The following ULK4 variants were observed in gnomAD, a reference collection of about 807,000 sequenced individuals.
The protein encoded by ULK4 is inactive serine/threonine-protein kinase ULK4.
A neutral mutation model predicts 160.6 loss-of-function variants in ULK4; 133 were observed. The observed-to-expected ratio is 0.83, with a 90% CI of 0.72 to 0.96. ULK4 has a LOEUF of 0.96. ULK4 is among the 40% of genes least tolerant of loss of function. ULK4 has a pLI of 0.00. For synonymous variants in ULK4, 534 were observed against 539.8 expected, an observed-to-expected ratio of 0.99 and a Z score of 0.15; for missense variants, 1,580 against 1,499.5, an observed-to-expected ratio of 1.05 and a Z score of -0.89.
chr3:41,925,961 G>A (rs979849104), intron 5 of ULK4, among the ~76,000 whole-genome samples: 4 of 152,200 alleles, frequency 2.6e-5, no homozygotes, highest in African/African-American at 7.2e-5. Context: ...TGGCTCTGAA[G>A]AGAGCAACAG....
intron 12 of ULK4, among the ~76,000 whole-genome samples, chr3:41,907,281 T>C (rs1698604664): frequency 7.0e-6 from 1 of 143,840 alleles, no homozygotes; most frequent in Non-Finnish European, 1.5e-5. Context: ...TAAAGGTCCC[T>C]GAATTGTACC....
At chr3:41,745,430 TA>T (rs2125885691) in intron 22 of ULK4, among the ~76,000 whole-genome samples, 1 of 151,660 alleles carries the variant, frequency 6.6e-6, no homozygotes, top group East Asian at 1.9e-4. Context: ...TCAAAAACCA[TA>T]AACTACCAAA....
In ULK4 at chr3:41,777,993, C is replaced by G. The variant is rs1047454791; in HGVS notation, c.2193+11668G>C. ...GGAAGTTCTGGCCAGGGCAATCAGG[C>G]AGGAGAAGGAAATAAAGGGTATTCA... On this transcript the variant is annotated intron_variant, in intron 21 of 36. Coordinates refer to ENST00000301831, the MANE Select transcript of ULK4 (RefSeq NM_017886.4). Among the ~76,000 whole-genome samples, 37 of 131,412 alleles carry G rather than the reference C, an allele frequency of 2.8e-4. 2 individuals are homozygous for G. Among genetic ancestry groups the G allele is most frequent in the African/African-American group, 1.1e-3 (34 of 32,174 alleles). 86.2% of individuals were successfully genotyped at this position (131,412 alleles called of 152,430 possible). A position where few individuals can be genotyped will look rare whatever the true frequency, so the allele number is the denominator to read the frequency against.
At chr3:41,913,081 GAAAC>G in intron 8 of ULK4, 182 bp from the exon 9 acceptor site, 1 of 563,192 alleles carries the variant, frequency 1.8e-6, no homozygotes, top group South Asian at 2.5e-5. Context: ...AAGATAAAAA[GAAAC>G]AATTCAGAAG....
intron 35 of ULK4, among the ~76,000 whole-genome samples, chr3:41,318,957 G>A (rs2080196899): frequency 6.6e-6 from 1 of 152,134 alleles, no homozygotes; most frequent in Admixed American, 6.6e-5. Flanking sequence ...ACTACGGTAT[G>A]GAAGAATCAG....
intron 17 of ULK4, among the ~76,000 whole-genome samples, chr3:41,849,563 G>A (rs1344410200): frequency 7.9e-5 from 12 of 152,174 alleles, no homozygotes; most frequent in Admixed American, 7.9e-4. Context: ...ATACTATAAT[G>A]GTAGATAGAT....
intron 35 of ULK4, among the ~76,000 whole-genome samples, chr3:41,382,365 T>C (rs2081676068): frequency 6.6e-6 from 1 of 152,166 alleles, no homozygotes; most frequent in African/African-American, 2.4e-5. Context: ...TTTTTCTGTG[T>C]GGTACTGAAA....
intron 17 of ULK4, among the ~76,000 whole-genome samples, chr3:41,842,450 G>T (rs1258638494): frequency 1.3e-5 from 2 of 152,228 alleles, no homozygotes; most frequent in South Asian, 2.1e-4. Flanking sequence ...CTGATCCCCA[G>T]TGTTGGACGT....
At chr3:41,365,115 A>G (rs1291575280) in intron 35 of ULK4, among the ~76,000 whole-genome samples, 2 of 152,192 alleles carry the variant, frequency 1.3e-5, no homozygotes, top group African/African-American at 4.8e-5. Context: ...CATTTTTACT[A>G]CACTCAGGAT....
chr3:41,724,624 G>A (rs1470548070), intron 22 of ULK4, among the ~76,000 whole-genome samples: 1 of 152,102 alleles, frequency 6.6e-6, no homozygotes, highest in Non-Finnish European at 1.5e-5. Context: ...TCGGGAGGCT[G>A]AGGCAGGAGA....
At chr3:41,287,764 A>G (rs908493025) in intron 35 of ULK4, among the ~76,000 whole-genome samples, 1 of 152,192 alleles carries the variant, frequency 6.6e-6, no homozygotes. Flanking sequence ...CTAGCATGAT[A>G]TTAACATTTG....
At chr3:41,318,431 T>C in intron 35 of ULK4, among the ~76,000 whole-genome samples, 1 of 152,200 alleles carries the variant, frequency 6.6e-6, no homozygotes, top group Admixed American at 6.5e-5. Flanking sequence ...GTAGGCACAG[T>C]TGTATCTAGT....
At chr3:41,863,889 C>T (rs759062005) in intron 17 of ULK4, among the ~76,000 whole-genome samples, 3 of 151,640 alleles carry the variant, frequency 2.0e-5, no homozygotes, top group East Asian at 3.9e-4. Context: ...TTTTTGGAGC[C>T]GCGAGCTATG....
chr3:41,395,919 AG>A (rs890396346), intron 35 of ULK4, among the ~76,000 whole-genome samples: 17 of 152,172 alleles, frequency 1.1e-4, no homozygotes, highest in Non-Finnish European at 2.2e-4. Flanking sequence ...CCTATAAGGC[AG>A]GTCAGATATT....
At chr3:41,706,369 ATATTTAATATATATATTT>A (rs2036880969) in intron 25 of ULK4, among the ~76,000 whole-genome samples, 1 of 146,374 alleles carries the variant, frequency 6.8e-6, no homozygotes, top group African/African-American at 2.5e-5. Context: ...ATTTATATAT[ATATTTAATATATATATTT>A]ATATATATTA....
chr3:41,681,522 A>G lies in ULK4; in HGVS notation c.2964T>C (p.Asp988=). 4 of 1,614,082 alleles carry G rather than the reference A, an allele frequency of 2.5e-6. No individual in the cohort carries two copies. Among genetic ancestry groups the G allele is most frequent in the Admixed American group, 1.7e-5 (1 of 60,004 alleles). ...ATGATACTTACTGGGGAAGTAAGACATCTCGAATGAGAGCCAGAAGATTGC... is the reference window on the plus strand; with the variant it reads ...ATGATACTTACTGGGGAAGTAAGACGTCTCGAATGAGAGCCAGAAGATTGC... ...SDSNLLALIR[D]VLLPQYEHIL... Residue 988 remains aspartate, a synonymous_variant, in exon 29 of 37, where the codon GAT becomes GAC. Transcript: ENST00000301831.
At chr3:41,305,388 G>A (rs1182393676) in intron 35 of ULK4, among the ~76,000 whole-genome samples, 1 of 152,202 alleles carries the variant, frequency 6.6e-6, no homozygotes, top group Non-Finnish European at 1.5e-5. Context: ...GAGCCGCCAC[G>A]CCTGACTGGT....
chr3:41,533,471 T>C (rs1185273913), intron 32 of ULK4, among the ~76,000 whole-genome samples: 2 of 152,216 alleles, frequency 1.3e-5, no homozygotes, highest in Non-Finnish European at 2.9e-5. Context: ...ATTTTATAAA[T>C]ATGTTGACGC....
chr3:41,758,206 T>G (rs1354473574), intron 21 of ULK4, among the ~76,000 whole-genome samples: 1 of 152,114 alleles, frequency 6.6e-6, no homozygotes, highest in Non-Finnish European at 1.5e-5. Flanking sequence ...ATTTTGGACT[T>G]CCCAGCCTCC....
Sources: allele counts gnomAD v4.1 joint callset (sites outside exome capture counted in the v4.1 genomes callset), GRCh38; gene constraint gnomAD v4.1.1; transcripts MANE v1.5; gene names NCBI Gene and HGNC (gene_info 2026-07-23, HGNC 2026-07-21).